NOMO2: variants seen among roughly 807,000 people sequenced by gnomAD.
The protein encoded by NOMO2 is NODAL modulator 2, also known as BOS complex subunit NOMO2.
Under a neutral mutation model 67.1 loss-of-function variants are expected in NOMO2, and 14 were observed. The ratio of observed to expected loss-of-function variants is 0.21; its 90% CI spans 0.14 to 0.33. NOMO2 has a LOEUF of 0.33. Ranked by LOEUF, NOMO2 falls within the 10% of genes least tolerant of loss-of-function variation. The probability of loss-of-function intolerance (pLI) is 1.00; values close to 1 mark genes in which losing one functional copy is unlikely to be tolerated. For synonymous variants in NOMO2, 80 were observed against 305.9 expected (o/e 0.26, Z 7.71); for missense variants, 178 against 761.0 (o/e 0.23, Z 9.01).
chr16:18,546,425 A>G (rs1901665245), intron 6 of NOMO2, among the ~76,000 whole-genome samples: 1 of 46,046 alleles, frequency 2.2e-5, no homozygotes, highest in Non-Finnish European at 4.5e-5. Flanking sequence ...GCAAAATCCC[A>G]TATATACTAA....
intron 3 of NOMO2, among the ~76,000 whole-genome samples, chr16:18,554,070 C>T (rs1201235768): frequency 6.6e-6 from 1 of 151,726 alleles, no homozygotes; most frequent in Non-Finnish European, 1.5e-5. Flanking sequence ...AAAACAGACC[C>T]TCTCTTCTGA....
At chr16:18,557,026 C>A (rs1343621583) in intron 2 of NOMO2, among the ~76,000 whole-genome samples, 1 of 151,730 alleles carries the variant, frequency 6.6e-6, no homozygotes, top group East Asian at 1.9e-4. Flanking sequence ...ATTCGGGAGG[C>A]CTAGGAAGGA....
chr16:18,561,223 A>G (rs898176818), intron 1 of NOMO2, among the ~76,000 whole-genome samples: 8 of 143,106 alleles, frequency 5.6e-5, no homozygotes, highest in African/African-American at 2.1e-4. Context: ...ACAAATCTCT[A>G]GGGTAATTCC....
intron 11 of NOMO2, 89 bp downstream of exon 11, chr16:18,538,437 G>A (rs1279271333): frequency 1.7e-5 from 25 of 1,494,798 alleles, no homozygotes; most frequent in South Asian, 7.3e-5. Flanking sequence ...TCTTAAGCTC[G>A]GCAAAGACAC....
intron 11 of NOMO2, 159 bp from the exon 12 acceptor site, chr16:18,533,338 A>G: frequency 2.8e-6 from 2 of 723,132 alleles, no homozygotes; most frequent in Non-Finnish European, 4.6e-6. Context: ...TTCTGGTTTT[A>G]AAAAGCAACC....
chr16:18,539,331 T>C (rs1056197539), intron 9 of NOMO2, among the ~76,000 whole-genome samples: 1 of 151,532 alleles, frequency 6.6e-6, no homozygotes, highest in Non-Finnish European at 1.5e-5. Flanking sequence ...CAGTCTCCCA[T>C]GCACACCCCG....
Position 18,527,619 on chromosome 16 carries a change from A to G in NOMO2, c.1812T>C (p.Phe604=). 1.2e-6 allele frequency: 1 copy of G among 862,344 alleles called. No individual in the cohort carries two copies. Among genetic ancestry groups the G allele is most frequent in the South Asian group, 1.4e-5 (1 of 69,598 alleles). 53.4% of individuals were successfully genotyped at this position (862,344 alleles called of 1,614,324 possible). A position where few individuals can be genotyped will look rare whatever the true frequency, so the allele number is the denominator to read the frequency against. ...TCTCACGCCCATTTCCATCCTGATA[A>G]AATTCCTAAGGGAGCAAAGCCAATA... The part of the protein sequence containing the change: ...CSLSHAITLE[F]YQDGNGRENV... The change falls in exon 16 of 31, where the codon TTT becomes TTC. Residue 604 remains phenylalanine (F), a synonymous_variant. Transcript: ENST00000622306.
chr16:18,561,193 A>AAAAAAAAAAAAAAAC (rs1902038355), intron 1 of NOMO2, among the ~76,000 whole-genome samples: 1 of 143,850 alleles, frequency 7.0e-6, no homozygotes, highest in Non-Finnish European at 1.5e-5. Context: ...AAAAAAAAAA[A>AAAAAAAAAAAAAAAC]AAAAAAAAAA....
chr16:18,520,370 T>TCCATC (rs1567236611), intron 20 of NOMO2, among the ~76,000 whole-genome samples: 9 of 116,048 alleles, frequency 7.8e-5, no homozygotes, highest in Admixed American at 2.6e-4. Context: ...AATCATTCAT[T>TCCATC]CATCCATCCA....
intron 3 of NOMO2, among the ~76,000 whole-genome samples, 174 bp from the exon 4 acceptor site, chr16:18,551,713 GAA>G (rs1163433385): frequency 8.3e-5 from 12 of 145,106 alleles, no homozygotes; most frequent in African/African-American, 3.1e-4. Flanking sequence ...AGTATTCTGG[GAA>G]AAGTCTCCCT....
intron 1 of NOMO2, among the ~76,000 whole-genome samples, chr16:18,559,233 A>C (rs1185872342): frequency 6.6e-6 from 1 of 152,056 alleles, no homozygotes; most frequent in Non-Finnish European, 1.5e-5. Context: ...CTCTCTCTGA[A>C]GAAAAAGGCA....
At chr16:18,539,854 C>T (rs1901509225) in intron 9 of NOMO2, among the ~76,000 whole-genome samples, 1 of 152,138 alleles carries the variant, frequency 6.6e-6, no homozygotes, top group Non-Finnish European at 1.5e-5. Context: ...GTCTGTGCCC[C>T]ACTTGCCTGT....
intron 11 of NOMO2, among the ~76,000 whole-genome samples, chr16:18,536,392 A>G (rs548650826): frequency 3.5e-4 from 53 of 152,342 alleles, no homozygotes; most frequent in Non-Finnish European, 7.2e-4. Context: ...TTCCCTGCAC[A>G]ACACTTGCCA....
At chr16:18,560,881 C>T (rs1323594336) in intron 1 of NOMO2, among the ~76,000 whole-genome samples, 4 of 151,150 alleles carry the variant, frequency 2.6e-5, no homozygotes, top group Non-Finnish European at 5.9e-5. Flanking sequence ...TGCTTTCAGA[C>T]GATCTTTGGG....
intron 4 of NOMO2, among the ~76,000 whole-genome samples, chr16:18,550,121 C>A (rs1901745963): frequency 3.0e-5 from 1 of 33,288 alleles, no homozygotes; most frequent in East Asian, 7.1e-4. Context: ...AATCGCGCCA[C>A]TGCACTCCAG....
chr16:18,532,883 G>C lies in NOMO2; in HGVS notation c.1395+122C>G. The C allele has an allele frequency of 2.1e-6, 3 of 1,425,606 alleles. No homozygotes were observed. The Admixed American group carries it at 8.0e-5, about 38-fold the overall frequency. 88.3% of individuals were successfully genotyped at this position (1,425,606 alleles called of 1,614,324 possible). A position where few individuals can be genotyped will look rare whatever the true frequency, so the allele number is the denominator to read the frequency against. On this transcript the variant is annotated intron_variant, in intron 12 of 30. Transcript: ENST00000622306. ...TCCTCTACTGGTGCAGGATTGTAAA[G>C]ACTTAAAAACAAGAAGTTGGAAACT...
chr16:18,552,981 A>T (rs1217727849), intron 3 of NOMO2, among the ~76,000 whole-genome samples: 1 of 152,154 alleles, frequency 6.6e-6, no homozygotes, highest in South Asian at 2.1e-4. Flanking sequence ...TGAATATAAA[A>T]TATAAATATA....
chr16:18,560,757 G>A (rs1186521051), intron 1 of NOMO2, among the ~76,000 whole-genome samples: 1 of 151,854 alleles, frequency 6.6e-6, no homozygotes, highest in African/African-American at 2.4e-5. Flanking sequence ...AGGGCAGGTC[G>A]CAGAGCTGAT....
chr16:18,556,319 T>A (rs1901901757), intron 2 of NOMO2, among the ~76,000 whole-genome samples: 1 of 151,690 alleles, frequency 6.6e-6, no homozygotes, highest in African/African-American at 2.4e-5. Context: ...CTGGGCATGG[T>A]GGTGGGTGCC....
Sources: allele counts gnomAD v4.1 joint callset (sites outside exome capture counted in the v4.1 genomes callset), GRCh38; gene constraint gnomAD v4.1.1; transcripts MANE v1.5; gene names NCBI Gene and HGNC (gene_info 2026-07-23, HGNC 2026-07-21).